TRAPPC10: variants seen among roughly 807,000 people sequenced by gnomAD.
TRAPPC10 encodes trafficking protein particle complex subunit 10.
TRAPPC10 carries 23 observed loss-of-function variants against 125.5 expected under a neutral mutation model. That is an observed-to-expected ratio of 0.18 (90% CI 0.13 to 0.26). The LOEUF (loss-of-function observed/expected upper bound fraction) is 0.26. TRAPPC10 is among the 10% of genes least tolerant of loss of function. The probability of loss-of-function intolerance (pLI) is 1.00; values close to 1 mark genes in which losing one functional copy is unlikely to be tolerated. For missense variants in TRAPPC10, 1,123 were observed against 1,308.4 expected (o/e 0.86, Z 2.19); for synonymous variants, 509 against 518.0 (o/e 0.98, Z 0.24).
chr21:44,068,850 C>T (rs1355929123), intron 7 of TRAPPC10, among the ~76,000 whole-genome samples: 1 of 152,118 alleles, frequency 6.6e-6, no homozygotes. Flanking sequence ...GATCTACCCT[C>T]CTCAGCCTCC....
chr21:44,064,975 T>C (rs2036330653), intron 7 of TRAPPC10, among the ~76,000 whole-genome samples: 1 of 152,174 alleles, frequency 6.6e-6, no homozygotes, highest in African/African-American at 2.4e-5. Context: ...CCTGGGTTGC[T>C]CAGCCCTAAC....
intron 1 of TRAPPC10, among the ~76,000 whole-genome samples, chr21:44,021,322 A>G (rs1432610229): frequency 3.9e-5 from 6 of 152,210 alleles, no homozygotes; most frequent in Non-Finnish European, 5.9e-5. Flanking sequence ...AAAGATCCCA[A>G]CCCTTTGAGA....
At chr21:44,043,873 G>A (rs1208879068) in intron 3 of TRAPPC10, among the ~76,000 whole-genome samples, 2 of 152,218 alleles carry the variant, frequency 1.3e-5, no homozygotes, top group East Asian at 1.9e-4. Flanking sequence ...AAGGCCACTC[G>A]CAGGTGTTCA....
Position 44,067,232 on chromosome 21 carries a change from A to G in TRAPPC10, c.1038+3447A>G, listed in dbSNP as rs141310771. ...TGTGAACAGAGGCTGTGTGTGGCCA[A>G]CCTGCAGGTTGAACCAGAGGAAGAA... On this transcript the variant is annotated intron_variant, in intron 7 of 22. Transcript: ENST00000291574. Among the ~76,000 whole-genome samples, 726 of 152,334 alleles carry G rather than the reference A, an allele frequency of 4.8e-3. 4 individuals carry two copies. The highest frequency in any genetic ancestry group is 0.017 in the African/African-American group (704 of 41,568).
Position 44,063,050 on chromosome 21 carries a change from C to T in TRAPPC10, c.791-488C>T. 1 of 1,304,324 alleles carries T rather than the reference C, an allele frequency of 7.7e-7. No individual in the cohort carries two copies. The highest frequency in any genetic ancestry group is 1.0e-6 in the Non-Finnish European group (1 of 989,086). The allele number at this position is 1,304,324 out of a possible 1,614,324, so 80.8% of individuals were successfully genotyped here. A position where few individuals can be genotyped will look rare whatever the true frequency, so the allele number is the denominator to read the frequency against. ...ACCAAGTCCTCCCTGTCCCTTCCTCCAGGAGCTTGACTCAGGGACGTGACG... is the reference window on the plus strand; with the variant it reads ...ACCAAGTCCTCCCTGTCCCTTCCTCTAGGAGCTTGACTCAGGGACGTGACG... On this transcript the variant is annotated intron_variant, in intron 6 of 22. Coordinates refer to ENST00000291574, the MANE Select transcript of TRAPPC10 (RefSeq NM_003274.5). This position sits in a 1 kb window ranked among gnomAD's most constrained non-coding sequence, Gnocchi z 4.4.
chr21:44,080,261 C>A, intron 13 of TRAPPC10, 134 bp downstream of exon 13: 1 of 732,926 alleles, frequency 1.4e-6, no homozygotes, highest in Non-Finnish European at 2.2e-6. Context: ...GTATCTATGT[C>A]TTTCACCTGA....
intron 3 of TRAPPC10, among the ~76,000 whole-genome samples, chr21:44,041,056 G>A (rs939012447): frequency 1.3e-4 from 20 of 152,124 alleles, no homozygotes; most frequent in African/African-American, 4.8e-4. Context: ...ATTCACAAGT[G>A]GTTGATCGGT....
intron 18 of TRAPPC10, among the ~76,000 whole-genome samples, chr21:44,090,702 C>G (rs1458241660): frequency 6.6e-6 from 1 of 152,080 alleles, no homozygotes; most frequent in African/African-American, 2.4e-5. Flanking sequence ...TCAATGGGCT[C>G]GGGATGCTAG....
In TRAPPC10 at chr21:44,012,374, G is replaced by T. The variant is rs904640500; in HGVS notation, c.-120G>T. 2.2e-6 allele frequency: 1 copy of T among 458,428 alleles called. No homozygotes were observed. Among genetic ancestry groups the T allele is most frequent in the East Asian group, 1.5e-4 (1 of 6,580 alleles). The allele number at this position is 458,428 out of a possible 1,614,324, so 28.4% of individuals were successfully genotyped here. A position where few individuals can be genotyped will look rare whatever the true frequency, so the allele number is the denominator to read the frequency against. On this transcript the variant is annotated 5_prime_UTR_variant, in exon 1 of 23. Transcript: ENST00000291574. ...CGGCAGCTGCGGCGCAACCGGCTCC[G>T]GAGCTGCCTGGCGCGGCCGGGCGGG...
chr21:44,016,023 C>T (rs906363859), intron 1 of TRAPPC10, among the ~76,000 whole-genome samples: 7 of 152,156 alleles, frequency 4.6e-5, no homozygotes, highest in East Asian at 3.8e-4. Context: ...CTAGTTACAG[C>T]TTGTAAATAC....
At position 44,063,451 on chromosome 21, in the gene TRAPPC10, G is replaced by A. The variant is rs1288464881; in HGVS notation, c.791-87G>A. On this transcript the variant is annotated intron_variant, in intron 6 of 22. Transcript: ENST00000291574. The surrounding 1 kb of genome is among the most constrained non-coding windows in gnomAD (Gnocchi z 4.4). ...AGAAAAACTGGTTATGAAGCTGCCT[G>A]TTTGCCCACCATCCTCAGCCTGAGC... 1 of 1,546,912 alleles carries A rather than the reference G, an allele frequency of 6.5e-7. No individual in the cohort carries two copies. Among genetic ancestry groups the A allele is most frequent in the South Asian group, 1.2e-5 (1 of 80,708 alleles).
chr21:44,067,635 T>G (rs2036547544), intron 7 of TRAPPC10, among the ~76,000 whole-genome samples: 1 of 152,154 alleles, frequency 6.6e-6, no homozygotes, highest in Non-Finnish European at 1.5e-5. Flanking sequence ...GGGCCCCACC[T>G]ACCGGCATGA....
At chr21:44,017,320 C>G (rs1403614221) in intron 1 of TRAPPC10, among the ~76,000 whole-genome samples, 2 of 152,174 alleles carry the variant, frequency 1.3e-5, no homozygotes, top group Non-Finnish European at 2.9e-5. Flanking sequence ...CATAATTTCA[C>G]AGACCCTTAG....
chr21:44,038,923 T>A (rs973169368), intron 3 of TRAPPC10, among the ~76,000 whole-genome samples: 1 of 152,184 alleles, frequency 6.6e-6, no homozygotes, highest in African/African-American at 2.4e-5. Context: ...CGGGGAAGCC[T>A]CTGCCGGAGA....
intron 3 of TRAPPC10, among the ~76,000 whole-genome samples, chr21:44,039,324 C>A (rs1053264233): frequency 6.6e-6 from 1 of 152,240 alleles, no homozygotes; most frequent in Non-Finnish European, 1.5e-5. Context: ...TTTACTGATG[C>A]TCAGGTTGTC....
intron 1 of TRAPPC10, among the ~76,000 whole-genome samples, chr21:44,020,228 G>A (rs1235765090): frequency 6.6e-6 from 1 of 151,260 alleles, no homozygotes; most frequent in Non-Finnish European, 1.5e-5. Flanking sequence ...CTGGGTTCAC[G>A]CTATTCTCCT....
intron 1 of TRAPPC10, among the ~76,000 whole-genome samples, chr21:44,018,800 G>A (rs1400827032): frequency 2.0e-5 from 3 of 152,168 alleles, no homozygotes; most frequent in African/African-American, 7.2e-5. Flanking sequence ...CAGTGTGATT[G>A]TGTGGCTCAC....
At chr21:44,075,217 G>A in intron 9 of TRAPPC10, 64 bp downstream of exon 9, 3 of 1,255,650 alleles carry the variant, frequency 2.4e-6, no homozygotes, top group Admixed American at 1.9e-5. Context: ...TCCTTTGCAA[G>A]TTGGCACATT....
intron 19 of TRAPPC10, among the ~76,000 whole-genome samples, chr21:44,092,617 CA>C (rs1229669681): frequency 6.9e-6 from 1 of 144,288 alleles, no homozygotes; most frequent in Admixed American, 7.2e-5. Context: ...GATTTGCCCC[CA>C]CTAATCCTTT....
Sources: allele counts gnomAD v4.1 joint callset (sites outside exome capture counted in the v4.1 genomes callset), GRCh38; gene constraint gnomAD v4.1.1; non-coding constraint Gnocchi (gnomAD v3.1); transcripts MANE v1.5; gene names NCBI Gene and HGNC (gene_info 2026-07-23, HGNC 2026-07-21).